The following CFAP47 variants were observed in gnomAD, a reference collection of about 807,000 sequenced individuals.
The protein encoded by CFAP47 is cilia- and flagella-associated protein 47.
A neutral mutation model predicts 148.1 loss-of-function variants in CFAP47; 29 were observed. That is an observed-to-expected ratio of 0.20 (90% CI 0.15 to 0.27). The LOEUF is 0.27. Ranked by LOEUF, CFAP47 falls within the 10% of genes least tolerant of loss-of-function variation. The probability of loss-of-function intolerance (pLI) is 1.00; values close to 1 mark genes in which losing one functional copy is unlikely to be tolerated. For synonymous variants in CFAP47, 664 were observed against 577.3 expected, an observed-to-expected ratio of 1.15 and a Z score of -2.15; for missense variants, 1,872 against 1,697.5, an observed-to-expected ratio of 1.10 and a Z score of -1.81.
At chrX:36,127,821 T>G (rs1038820546) in intron 33 of CFAP47, among the ~76,000 whole-genome samples, 20 of 111,287 alleles carry the variant, frequency 1.8e-4, no homozygotes, top group African/African-American at 6.2e-4. Flanking sequence ...CCCTTGTAAG[T>G]TGGATTCCTA....
At chrX:35,927,024 G>A (rs374680379) in intron 2 of CFAP47, among the ~76,000 whole-genome samples, 7 of 108,448 alleles carry the variant, frequency 6.5e-5, no homozygotes, top group African/African-American at 1.7e-4. Context: ...GAGTGGTGGC[G>A]CATGACTGTA....
chrX:35,935,307 A>G (rs905059857), intron 2 of CFAP47, among the ~76,000 whole-genome samples: 5 of 112,035 alleles, frequency 4.5e-5, no homozygotes, highest in African/African-American at 1.6e-4. Flanking sequence ...ATGGGCAGGC[A>G]TCAGCTTAGT....
At chrX:36,276,035 T>A (rs1329493693) in intron 49 of CFAP47, among the ~76,000 whole-genome samples, 2 of 109,830 alleles carry the variant, frequency 1.8e-5, no homozygotes, top group Admixed American at 2.0e-4. Flanking sequence ...ATTCATAGCA[T>A]AAAAACATAT....
intron 63 of CFAP47, chrX:36,379,733 T>C (rs1464307237): frequency 1.2e-5 from 4 of 338,047 alleles, no homozygotes; most frequent in Non-Finnish European, 2.1e-5. Context: ...TTGTCAACAC[T>C]AGAGGAAAGT....
Position 36,384,882 on chromosome X carries a change from C to A in CFAP47, c.9440C>A (p.Ala3147Asp). ...PPKNAKAKID[A>D]THKTHDNMPV... ...AAAAATGCAAAAGCCAAAATTGATG[C>A]TACTCACAAGACACATGACAACATG... The change falls in exon 64 of 64, where the codon GCT becomes GAT. Residue 3147 changes from alanine to aspartate, a missense_variant. By Grantham distance (126) the Ala-to-Asp change is moderately radical. Transcript: ENST00000378653. 1 of 1,165,987 alleles carries A rather than the reference C, an allele frequency of 8.6e-7. No individual in the cohort carries two copies. Among genetic ancestry groups the A allele is most frequent in the Non-Finnish European group, 1.1e-6 (1 of 871,282 alleles).
intron 45 of CFAP47, among the ~76,000 whole-genome samples, chrX:36,208,307 C>T (rs1290272324): frequency 9.0e-6 from 1 of 111,036 alleles, no homozygotes; most frequent in African/African-American, 3.3e-5. Context: ...TATTTATTAT[C>T]AATAACTAAT....
At chrX:35,989,685 G>A (rs1366391960) in intron 16 of CFAP47, 1 of 815,694 alleles carries the variant, frequency 1.2e-6, no homozygotes, top group Non-Finnish European at 1.6e-6. Flanking sequence ...TATACTTGAT[G>A]GATTAAAAAT....
At chrX:36,095,558 T>G (rs1484933698) in intron 30 of CFAP47, among the ~76,000 whole-genome samples, 1 of 111,348 alleles carries the variant, frequency 9.0e-6, no homozygotes, top group Non-Finnish European at 1.9e-5. Flanking sequence ...GTGGTCTTGT[T>G]ATTTGTTATT....
chrX:36,154,784 T>G (rs1939347469), intron 37 of CFAP47, among the ~76,000 whole-genome samples: 1 of 109,284 alleles, frequency 9.2e-6, no homozygotes, highest in Admixed American at 9.8e-5. Flanking sequence ...TTTATGGCCT[T>G]TATATAGTAA....
chrX:36,129,680 A>G (rs1602000511), intron 33 of CFAP47, among the ~76,000 whole-genome samples: 1 of 111,625 alleles, frequency 9.0e-6, no homozygotes, highest in Non-Finnish European at 1.9e-5. Flanking sequence ...GAATCCAGCA[A>G]TATAGAAAAA....
chrX:35,927,973 T>C (rs180802929), intron 2 of CFAP47, among the ~76,000 whole-genome samples: 1,454 of 105,846 alleles, frequency 0.014, 37 homozygotes, highest in African/African-American at 0.047. Flanking sequence ...TTTGCTCCTT[T>C]TTATTGCTGA....
At chrX:36,084,668 T>C (rs1432912156) in intron 29 of CFAP47, among the ~76,000 whole-genome samples, 3 of 111,863 alleles carry the variant, frequency 2.7e-5, no homozygotes, top group Admixed American at 1.9e-4. Context: ...ATTTTTAACT[T>C]CATTTAAAGT....
intron 22 of CFAP47, among the ~76,000 whole-genome samples, chrX:36,018,612 G>A (rs186398228): frequency 8.9e-6 from 1 of 111,893 alleles, no homozygotes; most frequent in African/African-American, 3.2e-5. Context: ...CATGGTTTTT[G>A]TCCTTCATTC....
chrX:36,264,589 C>G (rs1940868350), intron 49 of CFAP47, among the ~76,000 whole-genome samples: 1 of 111,701 alleles, frequency 9.0e-6, no homozygotes, highest in African/African-American at 3.3e-5. Context: ...CCTCCAGCAC[C>G]CAGAGATGCT....
intron 61 of CFAP47, 142 bp downstream of exon 61, chrX:36,361,643 A>C: frequency 3.5e-6 from 1 of 288,737 alleles, no homozygotes; most frequent in East Asian, 5.9e-5. Flanking sequence ...GCTAGATTAC[A>C]TCTAGCTACA....
chrX:36,381,675 A>G (rs1478473189), intron 63 of CFAP47, among the ~76,000 whole-genome samples: 6 of 111,012 alleles, frequency 5.4e-5, no homozygotes, highest in Non-Finnish European at 1.1e-4. Flanking sequence ...TGTTTTACAA[A>G]AAGCGGTGCC....
chrX:36,212,515 T>A (rs1940113564), intron 45 of CFAP47, among the ~76,000 whole-genome samples: 1 of 111,872 alleles, frequency 8.9e-6, no homozygotes, highest in Non-Finnish European at 1.9e-5. Flanking sequence ...AACAATATTG[T>A]CTTGAATCAG....
intron 48 of CFAP47, among the ~76,000 whole-genome samples, chrX:36,250,791 C>A (rs1227009966): frequency 1.8e-5 from 2 of 110,806 alleles, no homozygotes; most frequent in Non-Finnish European, 3.8e-5. Flanking sequence ...AATAATTGTT[C>A]ATAACAGGCT....
chrX:36,217,973 T>C (rs1555990337), intron 45 of CFAP47, among the ~76,000 whole-genome samples: 1 of 112,096 alleles, frequency 8.9e-6, no homozygotes, highest in Non-Finnish European at 1.9e-5. Flanking sequence ...GCTCTACAAT[T>C]ATATATTTAG....
Sources: gnomAD v4.1 joint callset for allele counts (sites outside exome capture counted in the v4.1 genomes callset) on GRCh38, gnomAD v4.1.1 for gene constraint, MANE v1.5 for transcripts, NCBI Gene and HGNC (gene_info 2026-07-23, HGNC 2026-07-21) for gene names.